Variants in SSH2 observed in about 807,000 individuals in gnomAD.
SSH2 encodes the protein protein phosphatase Slingshot homolog 2.
SSH2 carries 37 observed loss-of-function variants against 135.2 expected under a neutral mutation model. That is an observed-to-expected ratio of 0.27 (90% CI 0.21 to 0.36). The LOEUF (loss-of-function observed/expected upper bound fraction) is 0.36, where lower values mean the gene tolerates loss of function less well. Among genes scored for constraint, SSH2 ranks in the 10% least tolerant of loss-of-function variants. The pLI, the probability that SSH2 is intolerant of heterozygous loss-of-function variation, is 1.00. For synonymous variants in SSH2, 628 were observed against 646.2 expected, an observed-to-expected ratio of 0.97 and a Z score of 0.43; for missense variants, 1,408 against 1,765.3, an observed-to-expected ratio of 0.80 and a Z score of 3.63.
chr17:29,827,247 A>G (rs1054862017), intron 2 of SSH2, among the ~76,000 whole-genome samples: 1 of 152,244 alleles, frequency 6.6e-6, no homozygotes, highest in East Asian at 1.9e-4. Context: ...CTAACAAATT[A>G]TTCTTGAGAT....
At chr17:29,658,254 G>A (rs550786901) in intron 11 of SSH2, among the ~76,000 whole-genome samples, 10 of 151,986 alleles carry the variant, frequency 6.6e-5, no homozygotes, top group African/African-American at 1.9e-4. Flanking sequence ...TGCCCACCTC[G>A]GCCTCCCAAA....
chr17:29,733,926 T>G (rs1035621077), intron 3 of SSH2, among the ~76,000 whole-genome samples: 2 of 150,686 alleles, frequency 1.3e-5, no homozygotes, highest in Admixed American at 6.6e-5. Context: ...TTTTTTTTTT[T>G]TTGAGATGGA....
chr17:29,746,887 T>C (rs1157667137), intron 3 of SSH2, among the ~76,000 whole-genome samples: 1 of 152,320 alleles, frequency 6.6e-6, no homozygotes, highest in South Asian at 2.1e-4. Flanking sequence ...GCTGGGGTGA[T>C]GAAGTATGCT....
At chr17:29,922,786 T>C (rs2066998313) in intron 1 of SSH2, among the ~76,000 whole-genome samples, 1 of 151,922 alleles carries the variant, frequency 6.6e-6, no homozygotes, top group African/African-American at 2.4e-5. Flanking sequence ...AATTCAAAAA[T>C]GAAAATGAAA....
At chr17:29,771,983 G>A (rs949542961) in intron 3 of SSH2, among the ~76,000 whole-genome samples, 1 of 152,106 alleles carries the variant, frequency 6.6e-6, no homozygotes, top group African/African-American at 2.4e-5. Context: ...ATTGGAAGTT[G>A]TTTTTTCTCT....
chr17:29,776,993 C>T (rs1218749561), intron 3 of SSH2, among the ~76,000 whole-genome samples: 1 of 152,136 alleles, frequency 6.6e-6, no homozygotes, highest in Non-Finnish European at 1.5e-5. Context: ...GGGCAGATCA[C>T]CTGAAGTCAG....
At chr17:29,730,706 T>C (rs1223831476) in intron 3 of SSH2, among the ~76,000 whole-genome samples, 3 of 152,180 alleles carry the variant, frequency 2.0e-5, no homozygotes, top group Non-Finnish European at 2.9e-5. Context: ...CCCAAAGTGC[T>C]GGGATTACAG....
At chr17:29,685,232 T>C (rs1318095541) in intron 5 of SSH2, among the ~76,000 whole-genome samples, 1 of 152,208 alleles carries the variant, frequency 6.6e-6, no homozygotes, top group Non-Finnish European at 1.5e-5. Context: ...AAACTTCTCA[T>C]TTTTTGTCAA....
intron 3 of SSH2, among the ~76,000 whole-genome samples, chr17:29,790,161 AT>A (rs1355989624): frequency 6.6e-6 from 1 of 152,172 alleles, no homozygotes; most frequent in Non-Finnish European, 1.5e-5. Context: ...TATGGACTTA[AT>A]GCTTGTGCCC....
chr17:29,917,429 A>G (rs186842396), intron 1 of SSH2, among the ~76,000 whole-genome samples: 1 of 152,260 alleles, frequency 6.6e-6, no homozygotes, highest in East Asian at 1.9e-4. Context: ...CGAGGCAATT[A>G]AACATGCTTA....
chr17:29,676,893 C>T lies in SSH2; in HGVS notation c.549-8G>A. 1 of 1,612,452 alleles carries T rather than the reference C, an allele frequency of 6.2e-7. No individual in the cohort carries two copies. Among genetic ancestry groups the T allele is most frequent in the South Asian group, 1.1e-5 (1 of 90,958 alleles). On this transcript the variant is annotated splice_region_variant and splice_polypyrimidine_tract_variant and intron_variant, in intron 7 of 15. Transcript: ENST00000540801. ...GTCGATACACTGAACCCACTAAGGA[C>T]AAATGAGAACAAGACAAAAATCCAC... is the stretch of plus-strand genomic sequence containing the variant.
At chr17:29,678,556 T>C (rs1296688108) in intron 6 of SSH2, among the ~76,000 whole-genome samples, 4 of 152,114 alleles carry the variant, frequency 2.6e-5, no homozygotes, top group African/African-American at 9.7e-5. Context: ...GTTAATAGTT[T>C]GTGATCAAGA....
Position 29,849,855 on chromosome 17 carries a change from AGTATAT to A in SSH2, c.64-932_64-927del, listed in dbSNP as rs1327392029. On this transcript the variant is annotated intron_variant, in intron 1 of 15. Transcript: ENST00000540801. ...TCTGTACTACAAAAAAAAAAAAAAAAGTATATATATATATATATATATATATTAGCC... is the reference window on the plus strand; with the variant it reads ...TCTGTACTACAAAAAAAAAAAAAAAAATATATATATATATATATATTAGCC... Among the ~76,000 whole-genome samples, 474 of 97,038 alleles carry A rather than the reference AGTATAT, an allele frequency of 4.9e-3. 5 individuals are homozygous for A. Among genetic ancestry groups the A allele is most frequent in the African/African-American group, 0.021 (429 of 20,844 alleles). The allele number at this position is 97,038 out of a possible 152,430, so 63.7% of individuals were successfully genotyped here.
chr17:29,879,952 T>C (rs997878847), intron 1 of SSH2, among the ~76,000 whole-genome samples: 2 of 152,214 alleles, frequency 1.3e-5, no homozygotes, highest in East Asian at 1.9e-4. Flanking sequence ...CAAAAATCTA[T>C]TGTTATATTT....
At chr17:29,813,120 C>G (rs1488123710) in intron 2 of SSH2, among the ~76,000 whole-genome samples, 2 of 152,122 alleles carry the variant, frequency 1.3e-5, no homozygotes, top group African/African-American at 2.4e-5. Flanking sequence ...CGGTGGCTCA[C>G]GCCTGTAATC....
intron 3 of SSH2, chr17:29,780,700 G>A (rs1463340520): frequency 1.3e-5 from 2 of 151,902 alleles, no homozygotes; most frequent in Admixed American, 1.3e-4. Context: ...TGGGATTACA[G>A]GTGTGAGCCA....
chr17:29,843,098 T>C (rs1319225851), intron 2 of SSH2, among the ~76,000 whole-genome samples: 1 of 152,178 alleles, frequency 6.6e-6, no homozygotes, highest in Non-Finnish European at 1.5e-5. Flanking sequence ...ATACAAATTA[T>C]CAGGAATGAC....
intron 14 of SSH2, among the ~76,000 whole-genome samples, chr17:29,638,411 A>G (rs1030117627): frequency 3.9e-5 from 6 of 152,044 alleles, no homozygotes; most frequent in African/African-American, 1.4e-4. Context: ...TTAGAATAAT[A>G]TAGGAAAAAA....
intron 2 of SSH2, among the ~76,000 whole-genome samples, chr17:29,822,509 G>T (rs934072393): frequency 1.5e-4 from 23 of 152,034 alleles, no homozygotes; most frequent in Admixed American, 1.5e-3. Flanking sequence ...CTACAGGCGT[G>T]TATCACTACG....
Sources: allele counts gnomAD v4.1 joint callset (sites outside exome capture counted in the v4.1 genomes callset), GRCh38; gene constraint gnomAD v4.1.1; transcripts MANE v1.5; gene names NCBI Gene and HGNC (gene_info 2026-07-23, HGNC 2026-07-21).